GUSB: variants seen among roughly 807,000 people sequenced by gnomAD.
GUSB encodes the protein glucuronidase beta, also known as beta-glucuronidase.
A neutral mutation model predicts 74.6 loss-of-function variants in GUSB; 51 were observed. That is an observed-to-expected ratio of 0.68 (90% CI 0.55 to 0.86). GUSB has a LOEUF of 0.86. GUSB is among the 40% of genes least tolerant of loss of function. The pLI is 0.00. For missense variants in GUSB, 736 were observed against 853.7 expected, an observed-to-expected ratio of 0.86 and a Z score of 1.72; for synonymous variants, 360 against 348.3, an observed-to-expected ratio of 1.03 and a Z score of -0.37.
intron 9 of GUSB, among the ~76,000 whole-genome samples, chr7:65,968,230 C>CAAAAAAAAA: frequency 8.1e-6 from 1 of 123,390 alleles, no homozygotes; most frequent in Non-Finnish European, 1.6e-5. Context: ...CCATTTCTAC[C>CAAAAAAAAA]AAAAAAAAAA....
At chr7:65,968,243 A>C (rs935888593) in intron 9 of GUSB, among the ~76,000 whole-genome samples, 2 of 151,796 alleles carry the variant, frequency 1.3e-5, no homozygotes, top group Non-Finnish European at 2.9e-5. Flanking sequence ...AAAAAAAAAA[A>C]AAAAAAAACC....
chr7:65,967,135 G>A (rs1790888453), intron 10 of GUSB, among the ~76,000 whole-genome samples: 1 of 152,064 alleles, frequency 6.6e-6, no homozygotes, highest in Non-Finnish European at 1.5e-5. Flanking sequence ...TGTCCTGTGG[G>A]CCTGGGGGAG....
intron 4 of GUSB, among the ~76,000 whole-genome samples, chr7:65,979,064 C>T (rs973316391): frequency 2.6e-5 from 4 of 152,048 alleles, no homozygotes; most frequent in African/African-American, 7.2e-5. Flanking sequence ...CCACCATGCC[C>T]GGCGCCCCCC....
rs758903707 is a variant in GUSB at position 65,982,178 on chromosome 7, G to C, written c.6C>G (p.Ala2=). Residue 2 remains alanine, a synonymous_variant, in exon 1 of 12, where the codon GCC becomes GCG. Coordinates refer to ENST00000304895, the MANE Select transcript of GUSB (RefSeq NM_000181.4). ...CCGCCCAGGCAACCGCCGACCCCCG[G>C]GCCATGCTTCCCGGTCCCCCGCTCG... The part of the protein sequence containing the change: M[A]RGSAVAWAAL... 6.3e-5 allele frequency: 95 copies of C among 1,512,916 alleles called. No homozygotes were observed. In the South Asian group the frequency reaches 8.4e-4, roughly 13 times the overall value. The allele number at this position is 1,512,916 out of a possible 1,614,324, so 93.7% of individuals were successfully genotyped here.
intron 4 of GUSB, among the ~76,000 whole-genome samples, chr7:65,979,080 G>T (rs934451303): frequency 6.6e-6 from 1 of 151,988 alleles, no homozygotes; most frequent in African/African-American, 2.4e-5. Context: ...CCCCCCCACC[G>T]AAGCTGCCTG....
At chr7:65,978,372 C>T (rs1331510303) in intron 4 of GUSB, among the ~76,000 whole-genome samples, 5 of 151,908 alleles carry the variant, frequency 3.3e-5, no homozygotes, top group African/African-American at 1.2e-4. Flanking sequence ...TGTTTGAACC[C>T]GGGAGGCGGA....
intron 4 of GUSB, 73 bp from the exon 5 acceptor site, chr7:65,976,275 G>T: frequency 1.0e-6 from 1 of 985,698 alleles, no homozygotes; most frequent in Non-Finnish European, 1.6e-6. Context: ...GCGCCCTGCA[G>T]CCACCGCTGC....
Position 65,975,030 on chromosome 7 carries a change from G to A in GUSB, c.954C>T (p.Asp318=). Residue 318 remains aspartate (D), a synonymous_variant, in exon 6 of 12, where the codon GAC becomes GAT. Transcript: ENST00000304895. ...TAQTSLGPVS[D]FYTLPVGIRT... ...GGATCCCCACAGGGAGTGTGTAGAA[G>A]TCAGACACAGGCCCCAGTGACGTCT... 9 of 1,613,506 alleles carry A rather than the reference G, an allele frequency of 5.6e-6. No individual in the cohort carries two copies. Among genetic ancestry groups the A allele is most frequent in the Non-Finnish European group, 7.6e-6 (9 of 1,179,508 alleles).
At chr7:65,972,181 A>G (rs1791256936) in intron 8 of GUSB, among the ~76,000 whole-genome samples, 1 of 152,096 alleles carries the variant, frequency 6.6e-6, no homozygotes, top group African/African-American at 2.4e-5. Context: ...TTTTTTTGAG[A>G]GACAGAATCT....
intron 7 of GUSB, 27 bp downstream of exon 7, chr7:65,974,499 C>A (rs746455216): frequency 6.2e-7 from 1 of 1,614,052 alleles, no homozygotes; most frequent in East Asian, 2.2e-5. Context: ...GCTGGGCAGG[C>A]GGAGCAGGTG....
chr7:65,970,622 A>G (rs1230176212), intron 8 of GUSB, among the ~76,000 whole-genome samples: 3 of 151,588 alleles, frequency 2.0e-5, no homozygotes, highest in African/African-American at 7.3e-5. Context: ...GGCCAGGCGC[A>G]GTGGCTCACG....
intron 10 of GUSB, 66 bp from the exon 11 acceptor site, chr7:65,964,524 T>C: frequency 2.6e-6 from 4 of 1,514,550 alleles, no homozygotes; most frequent in Non-Finnish European, 3.6e-6. Context: ...TAGATAAAAA[T>C]AAAGATCCAC....
At chr7:65,966,421 TC>T (rs1305802921) in intron 10 of GUSB, among the ~76,000 whole-genome samples, 2 of 150,360 alleles carry the variant, frequency 1.3e-5, no homozygotes, top group Non-Finnish European at 3.0e-5. Context: ...GGTTCAGGAA[TC>T]CACAGGAAAA....
rs1790434407 is a variant in GUSB, at chr7:65,960,838, T to G, written c.*59A>C. On this transcript the variant is annotated 3_prime_UTR_variant, in exon 12 of 12. Coordinates refer to ENST00000304895, the MANE Select transcript of GUSB (RefSeq NM_000181.4). ...ACAGTCCAGGAGGCACTTGTTCTGC[T>G]GCTGTGGAAGTCGCCCTGACTCGGG... 1 of 1,436,012 alleles carries G rather than the reference T, an allele frequency of 7.0e-7. No individual in the cohort carries two copies. The highest frequency in any genetic ancestry group is 9.8e-7 in the Non-Finnish European group (1 of 1,018,116). 89.0% of individuals were successfully genotyped at this position (1,436,012 alleles called of 1,614,324 possible). A position where few individuals can be genotyped will look rare whatever the true frequency, so the allele number is the denominator to read the frequency against.
At chr7:65,981,908 G>A (rs910613107) in intron 1 of GUSB, 66 bp downstream of exon 1, 4 of 1,372,798 alleles carry the variant, frequency 2.9e-6, no homozygotes, top group South Asian at 1.3e-5. Context: ...TCTGCGGGGG[G>A]CCCGGGCTCC....
intron 10 of GUSB, among the ~76,000 whole-genome samples, chr7:65,964,747 C>G (rs900983447): frequency 2.0e-5 from 3 of 152,136 alleles, no homozygotes; most frequent in Non-Finnish European, 4.4e-5. Flanking sequence ...CTGGTACAGT[C>G]TTAAGGCTAA....
chr7:65,980,588 G>A lies in GUSB; in HGVS notation c.211-179C>T, dbSNP rs1791943513. Reference sequence around the variant, plus strand: ...CTGCCAGGGCGATCTGTGCACCTGGGCCAGTGGGGCCAGGAGTTCCTCCTC... The same window carrying A: ...CTGCCAGGGCGATCTGTGCACCTGGACCAGTGGGGCCAGGAGTTCCTCCTC... On this transcript the variant is annotated intron_variant, in intron 1 of 11. Transcript: ENST00000304895. 7 of 645,008 alleles carry A rather than the reference G, an allele frequency of 1.1e-5. No individual in the cohort carries two copies. The East Asian group carries it at 1.7e-4, about 15-fold the overall frequency. The allele number at this position is 645,008 out of a possible 1,614,324, so 40.0% of individuals were successfully genotyped here.
chr7:65,979,335 C>T (rs1055170080), intron 4 of GUSB, 64 bp downstream of exon 4: 2 of 1,512,784 alleles, frequency 1.3e-6, no homozygotes, highest in Non-Finnish European at 1.8e-6. Flanking sequence ...GGAGAGCTTT[C>T]CAAACAGGGA....
At chr7:65,964,555 T>C in intron 10 of GUSB, 97 bp from the exon 11 acceptor site, 7 of 1,117,266 alleles carry the variant, frequency 6.3e-6, no homozygotes, top group Non-Finnish European at 9.3e-6. Context: ...CCAAAATATC[T>C]GTCTTCACAG....
Sources: gnomAD v4.1 joint callset for allele counts (sites outside exome capture counted in the v4.1 genomes callset) on GRCh38, gnomAD v4.1.1 for gene constraint, MANE v1.5 for transcripts, NCBI Gene and HGNC (gene_info 2026-07-23, HGNC 2026-07-21) for gene names.